KCNC2: variants seen among roughly 807,000 people sequenced by gnomAD.
KCNC2 encodes the protein potassium voltage-gated channel subfamily C member 2, also known as voltage-gated potassium channel KCNC2.
In KCNC2, 21 loss-of-function variants were observed where a neutral mutation model predicts 44.5. That is an observed-to-expected ratio of 0.47 (90% CI 0.33 to 0.68). KCNC2 has a LOEUF of 0.68. Among genes scored for constraint, KCNC2 ranks in the 30% least tolerant of loss-of-function variants. The pLI is 0.01. For missense variants in KCNC2, 589 were observed against 826.2 expected (o/e 0.71, Z 3.52); for synonymous variants, 391 against 339.1 (o/e 1.15, Z -1.68).
intron 2 of KCNC2, among the ~76,000 whole-genome samples, chr12:75,124,309 A>ATT (rs1482164466): frequency 6.6e-6 from 1 of 152,182 alleles, no homozygotes; most frequent in African/African-American, 2.4e-5. Context: ...TAGCTCTATG[A>ATT]AAATTTACTA....
At chr12:75,190,271 C>G (rs2030068097) in intron 2 of KCNC2, among the ~76,000 whole-genome samples, 2 of 152,194 alleles carry the variant, frequency 1.3e-5, no homozygotes, top group Non-Finnish European at 2.9e-5. Context: ...TCTGGTCATG[C>G]CTATCTTCTT....
At chr12:75,114,160 A>G (rs1335949761) in intron 2 of KCNC2, among the ~76,000 whole-genome samples, 2 of 152,228 alleles carry the variant, frequency 1.3e-5, no homozygotes, top group Non-Finnish European at 2.9e-5. Flanking sequence ...GTTGGAATCT[A>G]TAAAATATTC....
At chr12:75,159,898 G>C (rs1396290094) in intron 2 of KCNC2, among the ~76,000 whole-genome samples, 1 of 151,902 alleles carries the variant, frequency 6.6e-6, no homozygotes, top group Non-Finnish European at 1.5e-5. Context: ...GATAGGGACA[G>C]TGATTGACCA....
At chr12:75,108,653 T>C (rs186393506) in intron 2 of KCNC2, among the ~76,000 whole-genome samples, 14 of 152,342 alleles carry the variant, frequency 9.2e-5, no homozygotes, top group Admixed American at 8.5e-4. Context: ...AATTACCACT[T>C]GCTCCCCTCA....
chr12:75,069,038 A>C (rs1465490366), intron 2 of KCNC2, among the ~76,000 whole-genome samples: 1 of 152,036 alleles, frequency 6.6e-6, no homozygotes, highest in Non-Finnish European at 1.5e-5. Context: ...TTGAAGATAC[A>C]AGAGAAAACA....
At chr12:75,092,444 A>G (rs1413401928) in intron 2 of KCNC2, among the ~76,000 whole-genome samples, 2 of 151,836 alleles carry the variant, frequency 1.3e-5, no homozygotes, top group East Asian at 1.9e-4. Flanking sequence ...AATTATTTGT[A>G]AAAATAGCTT....
chr12:75,178,327 T>C (rs1422875383), intron 2 of KCNC2, among the ~76,000 whole-genome samples: 1 of 151,900 alleles, frequency 6.6e-6, no homozygotes, highest in Non-Finnish European at 1.5e-5. Flanking sequence ...ATAAATAAGG[T>C]GGGTAAGAAT....
At chr12:75,193,322 GT>G (rs1233064845) in intron 2 of KCNC2, among the ~76,000 whole-genome samples, 6 of 151,892 alleles carry the variant, frequency 4.0e-5, no homozygotes, top group African/African-American at 1.2e-4. Flanking sequence ...GAATACATAG[GT>G]TGGAAGTGGA....
chr12:75,092,781 C>T (rs1885595641), intron 2 of KCNC2, among the ~76,000 whole-genome samples: 1 of 151,596 alleles, frequency 6.6e-6, no homozygotes, highest in African/African-American at 2.4e-5. Context: ...ACAAGAATAA[C>T]ACACATATGA....
chr12:75,047,632 C>G (rs984876407), intron 4 of KCNC2, among the ~76,000 whole-genome samples: 5 of 151,950 alleles, frequency 3.3e-5, no homozygotes, highest in African/African-American at 9.7e-5. Context: ...GGATCACGAG[C>G]CTTTGCAACC....
At chr12:75,186,517 A>G (rs1892963185) in intron 2 of KCNC2, among the ~76,000 whole-genome samples, 1 of 132,646 alleles carries the variant, frequency 7.5e-6, no homozygotes, top group Non-Finnish European at 1.5e-5. Context: ...CTTCTGTTGT[A>G]AAAAAAGGTT....
chr12:75,043,367 T>C (rs1057351507), intron 4 of KCNC2, 126 bp from the exon 5 acceptor site: 1 of 1,426,648 alleles, frequency 7.0e-7, no homozygotes, highest in Admixed American at 2.9e-5. Flanking sequence ...ACAAAGAATT[T>C]AATATTGAGA....
At chr12:75,097,014 C>T (rs973670022) in intron 2 of KCNC2, among the ~76,000 whole-genome samples, 1 of 151,998 alleles carries the variant, frequency 6.6e-6, no homozygotes, top group African/African-American at 2.4e-5. Flanking sequence ...GACTTTCAAT[C>T]AGTGAATAGG....
At position 75,050,883 on chromosome 12, in the gene KCNC2, A is replaced by T; in HGVS notation, c.1122T>A (p.Thr374=). ...HFVGLRVLGH[T]LRASTNEFLL... is the part of the protein sequence containing the mutation. The stretch of plus-strand genomic sequence containing the variant: ...AAAATTCATTAGTACTAGCTCGAAG[A>T]GTATGTCCAAGCACCCTCAGACCTA... The change falls in exon 3 of 5, where the codon ACT becomes ACA. Residue 374 remains threonine, a synonymous_variant. Coordinates refer to ENST00000549446, the MANE Select transcript of KCNC2 (RefSeq NM_139137.4). The T allele has an allele frequency of 6.2e-7, 1 of 1,613,696 alleles. No homozygotes were observed. Among genetic ancestry groups the T allele is most frequent in the Admixed American group, 1.7e-5 (1 of 59,902 alleles).
intron 2 of KCNC2, among the ~76,000 whole-genome samples, chr12:75,197,349 A>T (rs2030860758): frequency 6.6e-6 from 1 of 151,944 alleles, no homozygotes; most frequent in Admixed American, 6.6e-5. Context: ...ATGTTACATG[A>T]CATGATATTC....
intron 2 of KCNC2, among the ~76,000 whole-genome samples, chr12:75,205,434 G>A (rs2031606132): frequency 6.6e-6 from 1 of 152,074 alleles, no homozygotes; most frequent in South Asian, 2.1e-4. Context: ...AGTCTCAAGA[G>A]TATTATAAAG....
chr12:75,112,023 G>A (rs1887294915), intron 2 of KCNC2, among the ~76,000 whole-genome samples: 1 of 151,694 alleles, frequency 6.6e-6, no homozygotes, highest in South Asian at 2.1e-4. Context: ...ACTCTATGCA[G>A]TTTATACTAG....
At chr12:75,111,564 A>AT (rs1174915939) in intron 2 of KCNC2, among the ~76,000 whole-genome samples, 2 of 151,786 alleles carry the variant, frequency 1.3e-5, no homozygotes, top group African/African-American at 4.8e-5. Flanking sequence ...CCAAATGTTT[A>AT]TTTTTTTTCA....
intron 2 of KCNC2, among the ~76,000 whole-genome samples, chr12:75,129,429 A>G (rs1410196012): frequency 6.6e-6 from 1 of 152,192 alleles, no homozygotes; most frequent in Non-Finnish European, 1.5e-5. Context: ...AGTGCTAAGT[A>G]TTAAGTACAC....
Sources: allele counts gnomAD v4.1 joint callset (sites outside exome capture counted in the v4.1 genomes callset), GRCh38; gene constraint gnomAD v4.1.1; transcripts MANE v1.5; gene names NCBI Gene and HGNC (gene_info 2026-07-23, HGNC 2026-07-21).